The following INSL6 variants were observed in gnomAD, a reference collection of about 807,000 sequenced individuals.
INSL6 encodes insulin like 6.
Under a neutral mutation model 9.4 loss-of-function variants are expected in INSL6, and 16 were observed. The observed-to-expected ratio is 1.70, with a 90% CI of 1.15 to 2.59. The LOEUF is 2.59. Among genes scored for constraint, INSL6 ranks in the 30% most tolerant of loss-of-function variants. INSL6 has a pLI of 0.00. For missense variants in INSL6, 391 were observed against 257.3 expected (o/e 1.52, Z -3.56); for synonymous variants, 154 against 96.9 (o/e 1.59, Z -3.46).
chr9:5,075,082 C>T, the INSL6 span, among the ~76,000 whole-genome samples: 2 of 151,938 alleles, frequency 1.3e-5, no homozygotes, highest in African/African-American at 2.4e-5. Context: ...GATCTTAATG[C>T]TCTTAAATTC....
At chr9:5,104,083 G>GAGAT in the INSL6 span, among the ~76,000 whole-genome samples, 2 of 152,158 alleles carry the variant, frequency 1.3e-5, no homozygotes, top group African/African-American at 4.8e-5. Flanking sequence ...AGAACTGAAG[G>GAGAT]AGATAGAGAC....
At chr9:5,084,925 A>G in the INSL6 span, 4 of 552,308 alleles carry the variant, frequency 7.2e-6, no homozygotes, top group African/African-American at 7.7e-5. Flanking sequence ...CACATGAAGC[A>G]AACAAAGTGT....
At chr9:5,022,052 A>G in the INSL6 span, 2 of 1,614,130 alleles carry the variant, frequency 1.2e-6, no homozygotes, top group East Asian at 2.2e-5. Flanking sequence ...ATATATCAGA[A>G]TGGTGATATT....
intron 1 of INSL6, among the ~76,000 whole-genome samples, chr9:5,183,404 A>G (rs947355309): frequency 6.6e-6 from 1 of 152,208 alleles, no homozygotes; most frequent in Non-Finnish European, 1.5e-5. Flanking sequence ...ATTTTCAGAT[A>G]CATTTTTATT....
At chr9:5,112,052 CG>C in the INSL6 span, 2 of 408,156 alleles carry the variant, frequency 4.9e-6, no homozygotes, top group South Asian at 1.8e-5. Flanking sequence ...CCAGCTACGA[CG>C]GGGGTCTCCA....
the INSL6 span, among the ~76,000 whole-genome samples, chr9:5,019,144 T>A: frequency 6.6e-6 from 1 of 152,208 alleles, no homozygotes; most frequent in Non-Finnish European, 1.5e-5. Flanking sequence ...TTAACCAGGT[T>A]TTCTATTCCT....
downstream of INSL6, among the ~76,000 whole-genome samples, chr9:5,159,862 G>T (rs1229849808): frequency 6.6e-6 from 1 of 152,138 alleles, no homozygotes; most frequent in African/African-American, 2.4e-5. Context: ...CTCAGCATGC[G>T]GCTCATCCTC....
chr9:5,080,441 A>G, the INSL6 span: 2 of 1,543,712 alleles, frequency 1.3e-6, no homozygotes, highest in Non-Finnish European at 1.8e-6. Flanking sequence ...TTTCTTTCAC[A>G]TGATTTGTAT....
intron 3 of INSL6, chr9:5,133,385 C>T (rs1824327452): frequency 6.6e-6 from 1 of 151,428 alleles, no homozygotes; most frequent in Non-Finnish European, 1.5e-5. Flanking sequence ...AATACTGAGC[C>T]AAAAAAAATA....
chr9:5,104,879 C>G, the INSL6 span, among the ~76,000 whole-genome samples: 12 of 152,280 alleles, frequency 7.9e-5, no homozygotes, highest in East Asian at 1.9e-3. Flanking sequence ...CAAAAACTCT[C>G]AATAAACTAG....
downstream of INSL6, among the ~76,000 whole-genome samples, chr9:5,122,780 G>GCATACC (rs1203522189): frequency 6.6e-6 from 1 of 151,952 alleles, no homozygotes; most frequent in Non-Finnish European, 1.5e-5. Context: ...AACAATCTAG[G>GCATACC]CATAGTGAGT....
the INSL6 span, among the ~76,000 whole-genome samples, chr9:5,107,551 G>A: frequency 6.6e-6 from 1 of 151,988 alleles, no homozygotes; most frequent in African/African-American, 2.4e-5. Flanking sequence ...AACTCAAAAA[G>A]GGTTAGATTG....
At chr9:5,175,607 C>A (rs552053512) in intron 1 of INSL6, among the ~76,000 whole-genome samples, 23 of 152,224 alleles carry the variant, frequency 1.5e-4, no homozygotes, top group African/African-American at 5.1e-4. Context: ...GGCAGGCGAG[C>A]GAGCAAAGCT....
the INSL6 span, among the ~76,000 whole-genome samples, chr9:4,996,102 T>G: frequency 6.6e-6 from 1 of 152,200 alleles, no homozygotes; most frequent in Non-Finnish European, 1.5e-5. Context: ...AATTATTAGA[T>G]CTGTGGTTAA....
In INSL6 at chr9:5,133,677, G is replaced by A. The variant is rs138514110; in HGVS notation, c.377-85C>T. 84 of 151,946 alleles carry A rather than the reference G, an allele frequency of 5.5e-4. 1 individual carries two copies. The highest frequency in any genetic ancestry group is 1.9e-3 in the African/African-American group (79 of 41,338). The allele number at this position is 151,946 out of a possible 1,614,324, so 9.4% of individuals were successfully genotyped here. ...AACATCAACAAAATGTCCACTCAGA[G>A]ACCCCACCCAAAGGTCACCAACATG... On this transcript the variant is annotated intron_variant, in intron 2 of 3. Coordinates refer to the INSL6 transcript ENST00000649639.
At chr9:5,054,487 T>C in the INSL6 span, 1 of 1,290,942 alleles carries the variant, frequency 7.7e-7, no homozygotes, top group Non-Finnish European at 1.1e-6. The surrounding 1 kb of genome is among the most constrained non-coding windows in gnomAD (Gnocchi z 4.9). Context: ...AGGTGGTAAC[T>C]TCTTTTTCAA....
the INSL6 span, among the ~76,000 whole-genome samples, chr9:5,052,237 A>G: frequency 6.6e-6 from 1 of 152,114 alleles, no homozygotes; most frequent in African/African-American, 2.4e-5. Context: ...CAATCTTTCT[A>G]TGTAGATTGT....
chr9:5,086,230 C>A, the INSL6 span: 1 of 609,946 alleles, frequency 1.6e-6, no homozygotes, highest in Non-Finnish European at 2.1e-6. Context: ...CGGTCGGAGT[C>A]TGAAAGTCGC....
the INSL6 span, among the ~76,000 whole-genome samples, chr9:5,004,065 T>C: frequency 6.6e-6 from 1 of 152,186 alleles, no homozygotes; most frequent in Admixed American, 6.5e-5. Flanking sequence ...CATTTTGTTA[T>C]ATGTATACAT....
Sources: allele counts gnomAD v4.1 joint callset (sites outside exome capture counted in the v4.1 genomes callset), GRCh38; gene constraint gnomAD v4.1.1; non-coding constraint Gnocchi (gnomAD v3.1); transcripts MANE v1.5; gene names NCBI Gene and HGNC (gene_info 2026-07-23, HGNC 2026-07-21).